PARD3B: variants seen among roughly 807,000 people sequenced by gnomAD.
The protein encoded by PARD3B is par-3 family cell polarity regulator beta, also known as partitioning defective 3 homolog B.
Under a neutral mutation model 130.2 loss-of-function variants are expected in PARD3B, and 103 were observed. The observed-to-expected ratio is 0.79, with a 90% confidence interval of 0.67 to 0.93. The LOEUF (loss-of-function observed/expected upper bound fraction) is 0.93, where lower values mean the gene tolerates loss of function less well. Ranked by LOEUF, PARD3B falls within the 40% of genes least tolerant of loss-of-function variation. The pLI is 0.00. For synonymous variants in PARD3B, 583 were observed against 553.2 expected, an observed-to-expected ratio of 1.05 and a Z score of -0.76; for missense variants, 1,609 against 1,499.2, an observed-to-expected ratio of 1.07 and a Z score of -1.21.
rs2040649465 is a variant in PARD3B at position 205,269,808 on chromosome 2, A to G, written c.2185+23986A>G. On this transcript the variant is annotated intron_variant, in intron 16 of 22. Transcript: ENST00000406610. This position sits in a 1 kb window ranked among gnomAD's most constrained non-coding sequence, Gnocchi z 4.7. ...AAAGGCAGCTATGTGCTTCTCTCCT[A>G]CTGGCATGTATCATAGACTCAGTAT... Among the ~76,000 whole-genome samples the G allele has an allele frequency of 6.6e-6, 1 of 152,188 alleles. No individual in the cohort carries two copies. Among genetic ancestry groups the G allele is most frequent in the Admixed American group, 6.5e-5 (1 of 15,270 alleles).
intron 3 of PARD3B, among the ~76,000 whole-genome samples, chr2:205,010,138 GAGA>G (rs1267788633): frequency 2.6e-5 from 4 of 152,170 alleles, no homozygotes; most frequent in Admixed American, 6.5e-5. Context: ...TACTGAGAGA[GAGA>G]AGGAGTGGAG....
At chr2:205,007,767 A>G (rs772697326) in intron 3 of PARD3B, among the ~76,000 whole-genome samples, 1 of 152,150 alleles carries the variant, frequency 6.6e-6, no homozygotes, top group African/African-American at 2.4e-5. Flanking sequence ...GAATCTGTAG[A>G]TTGCTTTGGG....
chr2:205,325,481 C>G lies in PARD3B; in HGVS notation c.2630+23780C>G, dbSNP rs1427288237. On this transcript the variant is annotated intron_variant, in intron 18 of 22. Coordinates refer to ENST00000406610, the MANE Select transcript of PARD3B (RefSeq NM_001302769.2). The surrounding 1 kb of genome is among the most constrained non-coding windows in gnomAD (Gnocchi z 4.1). The stretch of plus-strand genomic sequence containing the variant: ...CTTGCTGACAACAATTCTCTCCACA[C>G]TCAGTACTGATAAAGATAGTTTACT... 1.3e-5 allele frequency among the ~76,000 whole-genome samples: 2 copies of G among 151,812 alleles called. No homozygotes were observed. The highest frequency in any genetic ancestry group is 1.3e-4 in the Admixed American group (2 of 15,182).
intron 2 of PARD3B, among the ~76,000 whole-genome samples, chr2:204,701,793 G>A (rs914057449): frequency 1.3e-5 from 2 of 151,738 alleles, no homozygotes; most frequent in Non-Finnish European, 2.9e-5. Context: ...TTTGTTACCC[G>A]AGTATATTGC....
At chr2:205,126,789 T>TAAAAAAAAA (rs2031479097) in intron 10 of PARD3B, among the ~76,000 whole-genome samples, 1 of 124,680 alleles carries the variant, frequency 8.0e-6, no homozygotes, top group African/African-American at 3.4e-5. Context: ...AAAAAAAAAT[T>TAAAAAAAAA]GATAATAGCA....
Position 205,520,508 on chromosome 2 carries a change from G to A in PARD3B, c.3180+20477G>A, listed in dbSNP as rs544727970. 4.2e-3 allele frequency among the ~76,000 whole-genome samples: 636 copies of A among 152,062 alleles called. 4 individuals carry two copies. The highest frequency in any genetic ancestry group is 8.3e-3 in the Admixed American group (126 of 15,270). ...CGAGTTGCTACTGGCTCAATAGCTC[G>A]GGCCGGGGGTGGCTGGAGGCTTAGG... On this transcript the variant is annotated intron_variant, in intron 21 of 22. Transcript: ENST00000406610.
At chr2:205,194,906 C>T (rs945027976) in intron 15 of PARD3B, among the ~76,000 whole-genome samples, 4 of 151,106 alleles carry the variant, frequency 2.6e-5, no homozygotes, top group Non-Finnish European at 5.9e-5. Flanking sequence ...ACCTCAGCCT[C>T]GCAAGTAGCT....
Position 204,997,469 on chromosome 2 carries a change from G to C in PARD3B, c.394+32146G>C, listed in dbSNP as rs184722833. 1.5e-3 allele frequency among the ~76,000 whole-genome samples: 230 copies of C among 152,144 alleles called. 1 individual carries two copies. Among genetic ancestry groups the C allele is most frequent in the African/African-American group, 5.2e-3 (215 of 41,508 alleles). On this transcript the variant is annotated intron_variant, in intron 3 of 22. Transcript: ENST00000406610. ...TTCATAAAGTTTTTGTACCTATTTG[G>C]ATCTATTCCTAAGTACCTGATATTT...
rs115932471 is a variant in PARD3B at position 205,022,740 on chromosome 2, C to T, written c.395-24841C>T. Among the ~76,000 whole-genome samples the T allele has an allele frequency of 5.3e-3, 799 of 152,170 alleles. 3 individuals carry two copies. The highest frequency in any genetic ancestry group is 8.0e-3 in the Non-Finnish European group (543 of 68,010). The stretch of plus-strand genomic sequence containing the variant: ...TTTTGGGGCTCAACTCTTCATAATA[C>T]GATCATTCATTAAGTAATATAACCA... On this transcript the variant is annotated intron_variant, in intron 3 of 22. Transcript: ENST00000406610.
intron 2 of PARD3B, among the ~76,000 whole-genome samples, chr2:204,726,819 T>C (rs1197225892): frequency 1.3e-5 from 2 of 152,232 alleles, no homozygotes; most frequent in African/African-American, 4.8e-5. Context: ...GCCTCTCTGC[T>C]GCGTGGACTC....
At chr2:205,186,044 T>A (rs2036080371) in intron 14 of PARD3B, among the ~76,000 whole-genome samples, 181 bp downstream of exon 14, 1 of 152,186 alleles carries the variant, frequency 6.6e-6, no homozygotes, top group Non-Finnish European at 1.5e-5. Context: ...ATAGCTTAGA[T>A]TGGGCATATT....
intron 2 of PARD3B, among the ~76,000 whole-genome samples, chr2:204,722,739 T>C (rs1246108599): frequency 6.6e-6 from 1 of 152,158 alleles, no homozygotes; most frequent in African/African-American, 2.4e-5. Flanking sequence ...ATTCACAAGT[T>C]ATGAAGTTTA....
intron 21 of PARD3B, among the ~76,000 whole-genome samples, chr2:205,542,029 G>T (rs1348088558): frequency 6.6e-6 from 1 of 151,174 alleles, no homozygotes; most frequent in Admixed American, 6.6e-5. Context: ...TATAATCTCA[G>T]CTACTCGGGA....
At chr2:204,550,716 G>C (rs2030392356) in intron 1 of PARD3B, among the ~76,000 whole-genome samples, 1 of 152,178 alleles carries the variant, frequency 6.6e-6, no homozygotes, top group Non-Finnish European at 1.5e-5. Flanking sequence ...TTTACAAGTT[G>C]AGGCAGCTTC....
chr2:204,604,153 C>T (rs995563927), intron 1 of PARD3B, among the ~76,000 whole-genome samples: 3 of 152,072 alleles, frequency 2.0e-5, no homozygotes, highest in African/African-American at 7.2e-5. Flanking sequence ...TAACTGTTTT[C>T]AGAGGGAATA....
intron 19 of PARD3B, among the ~76,000 whole-genome samples, chr2:205,427,338 A>G (rs940616883): frequency 1.3e-5 from 2 of 152,254 alleles, no homozygotes; most frequent in African/African-American, 4.8e-5. Context: ...ATTATTTGCA[A>G]TAGCAAAAAA....
chr2:205,176,434 T>G lies in PARD3B; in HGVS notation c.1792-11T>G, dbSNP rs926296821. On this transcript the variant is annotated splice_polypyrimidine_tract_variant and intron_variant, in intron 12 of 22. Transcript: ENST00000406610. This position sits in a 1 kb window ranked among gnomAD's most constrained non-coding sequence, Gnocchi z 5.3. ...AAAAATGCAAATGTAATTTTTACTT[T>G]TATCTCTTAGGATCCTGCAGAGTGT... is the stretch of plus-strand genomic sequence containing the variant. 41 of 1,584,018 alleles carry G rather than the reference T, an allele frequency of 2.6e-5. No homozygotes were observed. The highest frequency in any genetic ancestry group is 3.4e-5 in the Non-Finnish European group (40 of 1,170,846).
chr2:205,444,954 G>A (rs996038894), intron 20 of PARD3B, among the ~76,000 whole-genome samples: 1 of 151,158 alleles, frequency 6.6e-6, no homozygotes, highest in Non-Finnish European at 1.5e-5. Flanking sequence ...TAGGACCAGA[G>A]GGAGAATTAT....
At chr2:205,102,203 A>G (rs989143073) in intron 4 of PARD3B, among the ~76,000 whole-genome samples, 1 of 152,174 alleles carries the variant, frequency 6.6e-6, no homozygotes, top group South Asian at 2.1e-4. Flanking sequence ...ATAAATGTTT[A>G]TTTTTTTAAT....
Sources: gnomAD v4.1 joint callset for allele counts (sites outside exome capture counted in the v4.1 genomes callset) on GRCh38, gnomAD v4.1.1 for gene constraint, Gnocchi (gnomAD v3.1) non-coding constraint, MANE v1.5 for transcripts, NCBI Gene and HGNC (gene_info 2026-07-23, HGNC 2026-07-21) for gene names.